SLC35F4: variants seen among roughly 807,000 people sequenced by gnomAD.
SLC35F4 encodes solute carrier family 35 member F4, also known as chromosome 14 open reading frame 36.
Under a neutral mutation model 44.2 loss-of-function variants are expected in SLC35F4, and 24 were observed. That is an observed-to-expected ratio of 0.54 (90% CI 0.39 to 0.76). SLC35F4 has a LOEUF of 0.76. Among genes scored for constraint, SLC35F4 ranks in the 30% least tolerant of loss-of-function variants. The pLI is 0.00. For synonymous variants in SLC35F4, 238 were observed against 223.6 expected (o/e 1.06, Z -0.57); for missense variants, 562 against 586.1 (o/e 0.96, Z 0.42).
chr14:57,916,516 A>G (rs1343416377), intron 1 of SLC35F4, among the ~76,000 whole-genome samples: 1 of 152,184 alleles, frequency 6.6e-6, no homozygotes, highest in Admixed American at 6.5e-5. Context: ...GTAGTTTGGC[A>G]TCTGACATTA....
At chr14:57,971,803 T>C (rs1881060951), downstream of SLC35F4, among the ~76,000 whole-genome samples, 1 of 152,224 alleles carries the variant, frequency 6.6e-6, no homozygotes, top group South Asian at 2.1e-4. Context: ...GGGAAAGTTC[T>C]AGCATCTAAT....
chr14:57,716,860 C>G (rs8018502), intron 1 of SLC35F4, among the ~76,000 whole-genome samples: 60,148 of 151,884 alleles, frequency 0.4, 11,934 homozygotes, highest in Middle Eastern at 0.43. Context: ...TCTGTTAACC[C>G]ACCTCTCCCT....
At chr14:57,743,560 C>A (rs749234905) in intron 1 of SLC35F4, among the ~76,000 whole-genome samples, 1 of 152,070 alleles carries the variant, frequency 6.6e-6, no homozygotes, top group Non-Finnish European at 1.5e-5. Context: ...TAATAACAGG[C>A]GCTGAAATTG....
chr14:57,573,693 GA>G (rs1489230354), intron 4 of SLC35F4, among the ~76,000 whole-genome samples: 1 of 152,000 alleles, frequency 6.6e-6, no homozygotes, highest in Admixed American at 6.6e-5. Context: ...TTCTTTGGGG[GA>G]TCTGATTTCA....
intron 1 of SLC35F4, among the ~76,000 whole-genome samples, chr14:57,961,173 T>G (rs1327502218): frequency 6.6e-6 from 1 of 152,162 alleles, no homozygotes; most frequent in Admixed American, 6.5e-5. Flanking sequence ...TCATGGTTAC[T>G]CAGCCGTGCG....
chr14:57,971,713 C>A (rs773670446), intron 1 of SLC35F4, among the ~76,000 whole-genome samples: 4 of 152,114 alleles, frequency 2.6e-5, no homozygotes, highest in African/African-American at 7.2e-5. Context: ...AAGCAGGAGT[C>A]GAATGGTGGT....
chr14:57,567,006 A>C (rs1229061884), intron 6 of SLC35F4, among the ~76,000 whole-genome samples: 7 of 152,246 alleles, frequency 4.6e-5, no homozygotes, highest in Admixed American at 3.3e-4. Flanking sequence ...ATCCAATGAT[A>C]GCCTATGCTG....
intron 1 of SLC35F4, among the ~76,000 whole-genome samples, chr14:57,658,127 T>C (rs1049475140): frequency 6.6e-6 from 1 of 152,188 alleles, no homozygotes; most frequent in African/African-American, 2.4e-5. Context: ...TTCTTCCAAA[T>C]AGAGAGCATA....
At chr14:57,924,464 T>C (rs1252135332) in intron 1 of SLC35F4, among the ~76,000 whole-genome samples, 1 of 151,906 alleles carries the variant, frequency 6.6e-6, no homozygotes, top group Non-Finnish European at 1.5e-5. Context: ...TTTTTTTTTT[T>C]TTAAGACGGA....
intron 1 of SLC35F4, among the ~76,000 whole-genome samples, chr14:57,797,209 A>C (rs1956696): frequency 6.6e-6 from 1 of 152,000 alleles, no homozygotes; most frequent in African/African-American, 2.4e-5. Context: ...CCCATGTTCC[A>C]TCACCTCTGC....
chr14:57,697,606 C>T (rs2075419533), intron 1 of SLC35F4, among the ~76,000 whole-genome samples: 1 of 151,818 alleles, frequency 6.6e-6, no homozygotes. Context: ...AAGGCTGAGG[C>T]TGGAGAATCG....
At chr14:57,967,631 A>G (rs1362419976) in intron 1 of SLC35F4, among the ~76,000 whole-genome samples, 11 of 152,236 alleles carry the variant, frequency 7.2e-5, no homozygotes, top group African/African-American at 2.4e-4. Context: ...AGGTATTATT[A>G]TCATCATTTC....
chr14:57,571,032 A>C (rs2068473431), intron 5 of SLC35F4, among the ~76,000 whole-genome samples: 1 of 152,170 alleles, frequency 6.6e-6, no homozygotes, highest in Non-Finnish European at 1.5e-5. Flanking sequence ...AATAGACTTC[A>C]TGCCCTCTGA....
intron 1 of SLC35F4, among the ~76,000 whole-genome samples, chr14:57,690,776 C>T (rs2075208225): frequency 6.6e-6 from 1 of 151,828 alleles, no homozygotes; most frequent in Non-Finnish European, 1.5e-5. Context: ...AATCTAGATC[C>T]CTGGCATGCA....
chr14:57,607,023 G>A (rs568497082), intron 1 of SLC35F4, among the ~76,000 whole-genome samples: 12 of 152,238 alleles, frequency 7.9e-5, no homozygotes, highest in African/African-American at 2.2e-4. Flanking sequence ...TTATGGTCCA[G>A]CAGGGGAAAA....
intron 1 of SLC35F4, among the ~76,000 whole-genome samples, chr14:57,810,753 A>G (rs1252796936): frequency 6.6e-6 from 1 of 152,084 alleles, no homozygotes. Flanking sequence ...GGAGGTGAGA[A>G]CTCTGAATTG....
At chr14:57,583,532 C>G (rs1279389364) in intron 3 of SLC35F4, among the ~76,000 whole-genome samples, 1 of 152,190 alleles carries the variant, frequency 6.6e-6, no homozygotes, top group Non-Finnish European at 1.5e-5. Flanking sequence ...AAGGAACACT[C>G]CAATCCCACA....
At chr14:57,752,361 C>T (rs2076904050) in intron 1 of SLC35F4, among the ~76,000 whole-genome samples, 1 of 152,206 alleles carries the variant, frequency 6.6e-6, no homozygotes, top group Non-Finnish European at 1.5e-5. Context: ...CCCTCCCTTG[C>T]TCCAGCTCCA....
intron 1 of SLC35F4, among the ~76,000 whole-genome samples, chr14:57,910,812 A>C (rs1054840758): frequency 7.9e-5 from 12 of 152,020 alleles, no homozygotes; most frequent in Admixed American, 7.2e-4. Context: ...ATATCTATAA[A>C]ATAACTTGCT....
Sources: allele counts gnomAD v4.1 joint callset (sites outside exome capture counted in the v4.1 genomes callset), GRCh38; gene constraint gnomAD v4.1.1; transcripts MANE v1.5; gene names NCBI Gene and HGNC (gene_info 2026-07-23, HGNC 2026-07-21).